Variants in SYNPR observed in about 807,000 individuals in gnomAD.
The protein encoded by SYNPR is synaptoporin.
A neutral mutation model predicts 32.9 loss-of-function variants in SYNPR; 23 were observed. That is an observed-to-expected ratio of 0.70 (90% CI 0.50 to 0.99). SYNPR has a LOEUF of 0.99. Ranked by LOEUF, SYNPR falls within the 50% of genes least tolerant of loss-of-function variation. The pLI is 0.00. For missense variants in SYNPR, 318 were observed against 349.3 expected, an observed-to-expected ratio of 0.91 and a Z score of 0.71; for synonymous variants, 146 against 135.9, an observed-to-expected ratio of 1.07 and a Z score of -0.52.
intron 2 of SYNPR, among the ~76,000 whole-genome samples, chr3:63,310,908 A>C (rs1456533320): frequency 1.3e-5 from 2 of 151,976 alleles, no homozygotes; most frequent in Non-Finnish European, 2.9e-5. Flanking sequence ...AAAAACACTT[A>C]TCCCAATGTG....
chr3:63,237,162 C>T (rs961650625), intron 1 of SYNPR, among the ~76,000 whole-genome samples: 1 of 151,940 alleles, frequency 6.6e-6, no homozygotes, highest in African/African-American at 2.4e-5. Context: ...CATGATTTGA[C>T]TTGTTGATAT....
chr3:63,463,771 C>T (rs972281359), intron 2 of SYNPR, among the ~76,000 whole-genome samples: 1 of 152,148 alleles, frequency 6.6e-6, no homozygotes, highest in Admixed American at 6.6e-5. Context: ...CATCTCCTCT[C>T]ATCAGGACTT....
chr3:63,608,172 C>G (rs905491797), intron 4 of SYNPR, among the ~76,000 whole-genome samples: 1 of 152,064 alleles, frequency 6.6e-6, no homozygotes, highest in Non-Finnish European at 1.5e-5. Flanking sequence ...TGCCACCCCA[C>G]CCGAGTCATG....
intron 2 of SYNPR, among the ~76,000 whole-genome samples, chr3:63,410,331 A>G (rs2088445429): frequency 6.6e-6 from 1 of 152,170 alleles, no homozygotes; most frequent in South Asian, 2.1e-4. Flanking sequence ...TCCAGAGCTT[A>G]TGCACTGAAA....
chr3:63,575,165 G>C (rs1702955280), intron 4 of SYNPR, among the ~76,000 whole-genome samples: 1 of 152,136 alleles, frequency 6.6e-6, no homozygotes, highest in Admixed American at 6.5e-5. Context: ...GTATAGCAGA[G>C]TTAACAGGAC....
chr3:63,305,100 G>A (rs7619400), intron 2 of SYNPR, among the ~76,000 whole-genome samples: 1,829 of 152,086 alleles, frequency 0.012, 29 homozygotes, highest in African/African-American at 0.041. Flanking sequence ...ACATTGCACT[G>A]ATTTGGTGGT....
intron 1 of SYNPR, among the ~76,000 whole-genome samples, chr3:63,234,477 C>G (rs528469280): frequency 1.3e-5 from 2 of 152,116 alleles, no homozygotes; most frequent in African/African-American, 4.8e-5. Context: ...AGAAATGCTG[C>G]CTTCATTGTT....
chr3:63,611,273 T>C (rs1700193045), intron 5 of SYNPR, among the ~76,000 whole-genome samples: 1 of 152,200 alleles, frequency 6.6e-6, no homozygotes, highest in Non-Finnish European at 1.5e-5. Context: ...AATAATTGTT[T>C]CTTAGAGTTG....
At chr3:63,386,369 T>C (rs1343330251) in intron 2 of SYNPR, among the ~76,000 whole-genome samples, 1 of 152,214 alleles carries the variant, frequency 6.6e-6, no homozygotes, top group East Asian at 1.9e-4. Context: ...CCCTGTTCTA[T>C]TGCCGCCTGC....
At chr3:63,228,986 A>C (rs186868197) in intron 1 of SYNPR, among the ~76,000 whole-genome samples, 1 of 152,220 alleles carries the variant, frequency 6.6e-6, no homozygotes, top group Non-Finnish European at 1.5e-5. Context: ...TTCTCTAAAG[A>C]GCATTCTGCA....
intron 2 of SYNPR, among the ~76,000 whole-genome samples, chr3:63,407,165 G>A (rs77963254): frequency 0.012 from 1,892 of 152,248 alleles, 38 homozygotes; most frequent in South Asian, 0.075. Flanking sequence ...TTGATTTTCC[G>A]TGGAGAAATC....
chr3:63,487,091 T>C (rs912962802), intron 3 of SYNPR, among the ~76,000 whole-genome samples: 2 of 152,238 alleles, frequency 1.3e-5, no homozygotes, highest in Non-Finnish European at 2.9e-5. Context: ...AAACTAGTTA[T>C]ATTTATAAAG....
At chr3:63,482,580 A>G (rs770955597) in intron 3 of SYNPR, among the ~76,000 whole-genome samples, 22 of 152,070 alleles carry the variant, frequency 1.4e-4, no homozygotes, top group Non-Finnish European at 2.5e-4. Context: ...CAATTTTAAA[A>G]CCACTGTTCT....
At chr3:63,414,241 A>T (rs1159893754) in intron 2 of SYNPR, among the ~76,000 whole-genome samples, 1 of 152,168 alleles carries the variant, frequency 6.6e-6, no homozygotes, top group Non-Finnish European at 1.5e-5. Flanking sequence ...CTTAAAATGT[A>T]GTTGACAGTA....
intron 2 of SYNPR, among the ~76,000 whole-genome samples, chr3:63,288,229 G>A (rs2086704732): frequency 6.6e-6 from 1 of 152,192 alleles, no homozygotes; most frequent in Non-Finnish European, 1.5e-5. Context: ...CTTGTGGCCT[G>A]AATAAAAAGG....
At chr3:63,411,437 T>A (rs1249158983) in intron 2 of SYNPR, among the ~76,000 whole-genome samples, 1 of 152,136 alleles carries the variant, frequency 6.6e-6, no homozygotes, top group Admixed American at 6.6e-5. Flanking sequence ...TAATCTCAGC[T>A]CTCATACTAG....
At position 63,400,211 on chromosome 3, in the gene SYNPR, C is replaced by T. The variant is rs186446308; in HGVS notation, c.85-80621C>T. ...TACTTCTTATCTTCTTAGTGAGGTACGCCATGTTAGTTATCTATTGGTGCG... is the reference window on the plus strand; with the variant it reads ...TACTTCTTATCTTCTTAGTGAGGTATGCCATGTTAGTTATCTATTGGTGCG... On this transcript the variant is annotated intron_variant, in intron 2 of 5. Transcript: ENST00000478300. 9.9e-5 allele frequency among the ~76,000 whole-genome samples: 15 copies of T among 152,276 alleles called. No homozygotes were observed. The East Asian group carries it at 2.7e-3, about 27-fold the overall frequency.
chr3:63,511,154 G>A (rs1002492942), intron 3 of SYNPR, among the ~76,000 whole-genome samples: 7 of 123,044 alleles, frequency 5.7e-5, no homozygotes, highest in Middle Eastern at 4.1e-3. Flanking sequence ...CCTGAGTACT[G>A]GGAATCATGG....
chr3:63,520,389 A>G (rs17068901), intron 3 of SYNPR, among the ~76,000 whole-genome samples: 1,734 of 152,218 alleles, frequency 0.011, 42 homozygotes, highest in African/African-American at 0.039. Flanking sequence ...TTATCAGGGT[A>G]ATCGGCCGGG....
Sources: gnomAD v4.1 joint callset for allele counts (sites outside exome capture counted in the v4.1 genomes callset) on GRCh38, gnomAD v4.1.1 for gene constraint, MANE v1.5 for transcripts, NCBI Gene and HGNC (gene_info 2026-07-23, HGNC 2026-07-21) for gene names.